HNRNPR: variants seen among roughly 807,000 people sequenced by gnomAD.
The protein encoded by HNRNPR is heterogeneous nuclear ribonucleoprotein R.
Under a neutral mutation model 70.3 loss-of-function variants are expected in HNRNPR, and 4 were observed. The ratio of observed to expected loss-of-function variants is 0.06; its 90% confidence interval spans 0.03 to 0.13. HNRNPR has a LOEUF of 0.13. Among genes scored for constraint, HNRNPR ranks in the 10% least tolerant of loss-of-function variants. The pLI, the probability that HNRNPR is intolerant of heterozygous loss-of-function variation, is 1.00. For missense variants in HNRNPR, 423 were observed against 788.5 expected (o/e 0.54, Z 5.55); for synonymous variants, 241 against 267.6 (o/e 0.90, Z 0.97).
At chr1:23,313,429 TA>T (rs1221372627) in intron 9 of HNRNPR, 123 bp downstream of exon 9, 2 of 673,888 alleles carry the variant, frequency 3.0e-6, no homozygotes, top group East Asian at 2.7e-5. Flanking sequence ...TTACAGAGAT[TA>T]AATAGAAAGA....
At position 23,306,051 on chromosome 1, in the gene HNRNPR, A is replaced by G. The variant is rs1645198048; in HGVS notation, c.*4403T>C. The G allele has an allele frequency of 7.2e-5, 11 of 152,298 alleles. No homozygotes were observed. The highest frequency in any genetic ancestry group is 7.2e-4 in the Admixed American group (11 of 15,296). 9.4% of individuals were successfully genotyped at this position (152,298 alleles called of 1,614,324 possible). A position where few individuals can be genotyped will look rare whatever the true frequency, so the allele number is the denominator to read the frequency against. ...AATAAATATCTCTTTAAGATGCATT[A>G]TATGTTAATCTATCCAACAAAATAT... On this transcript the variant is annotated 3_prime_UTR_variant, in exon 11 of 11. Coordinates refer to ENST00000302271, the MANE Select transcript of HNRNPR (RefSeq NM_005826.5).
chr1:23,326,325 T>C (rs1645973889), intron 5 of HNRNPR, among the ~76,000 whole-genome samples: 1 of 152,124 alleles, frequency 6.6e-6, no homozygotes, highest in Non-Finnish European at 1.5e-5. Context: ...AAGATACTGT[T>C]ATATGTGATT....
At chr1:23,328,296 G>A (rs191091576) in intron 5 of HNRNPR, among the ~76,000 whole-genome samples, 161 of 152,302 alleles carry the variant, frequency 1.1e-3, no homozygotes, top group African/African-American at 3.7e-3. Flanking sequence ...ACATTTCAGC[G>A]ATTGGGTAGA....
At chr1:23,329,229 G>A (rs561195117) in intron 5 of HNRNPR, among the ~76,000 whole-genome samples, 2 of 152,230 alleles carry the variant, frequency 1.3e-5, no homozygotes, top group African/African-American at 4.8e-5. Flanking sequence ...GAAAACACTG[G>A]TTTATCTAAG....
chr1:23,322,358 C>T (rs761806988), intron 6 of HNRNPR, among the ~76,000 whole-genome samples: 2 of 152,042 alleles, frequency 1.3e-5, no homozygotes, highest in Non-Finnish European at 2.9e-5. Context: ...GCCTCAGCCT[C>T]CCAAGTAGCT....
chr1:23,320,814 A>G (rs990462159), intron 7 of HNRNPR, among the ~76,000 whole-genome samples: 1 of 152,188 alleles, frequency 6.6e-6, no homozygotes, highest in Non-Finnish European at 1.5e-5. Flanking sequence ...ATGTGTATAG[A>G]ACTGTGATAT....
Position 23,308,450 on chromosome 1 carries a change from T to C in HNRNPR, c.*2004A>G, listed in dbSNP as rs898882950. ...AAATCAGGGTTTTACTTAAGTCTAA[T>C]TAGATGTATAGTTACAACTTCAAAT... is the stretch of plus-strand genomic sequence containing the variant. On this transcript the variant is annotated 3_prime_UTR_variant, in exon 11 of 11. Transcript: ENST00000302271. The C allele has an allele frequency of 2.0e-5, 3 of 152,054 alleles. No homozygotes were observed. The highest frequency in any genetic ancestry group is 7.2e-5 in the African/African-American group (3 of 41,404). 9.4% of individuals were successfully genotyped at this position (152,054 alleles called of 1,614,324 possible). A position where few individuals can be genotyped will look rare whatever the true frequency, so the allele number is the denominator to read the frequency against.
chr1:23,334,085 T>G (rs1340935474), intron 4 of HNRNPR, among the ~76,000 whole-genome samples: 1 of 151,910 alleles, frequency 6.6e-6, no homozygotes, highest in Non-Finnish European at 1.5e-5. Context: ...AGCTAATTTT[T>G]GTATTTTTAG....
At chr1:23,314,899 T>C (rs1242304522) in intron 8 of HNRNPR, among the ~76,000 whole-genome samples, 2 of 152,156 alleles carry the variant, frequency 1.3e-5, no homozygotes, top group Non-Finnish European at 2.9e-5. Flanking sequence ...CTTCCAGCAC[T>C]GTAAGAGCAA....
intron 1 of HNRNPR, among the ~76,000 whole-genome samples, chr1:23,341,281 G>A (rs1377830438): frequency 6.6e-6 from 1 of 152,148 alleles, no homozygotes; most frequent in Admixed American, 6.6e-5. Flanking sequence ...ACTGAAGGTA[G>A]AATTGCTGAT....
At chr1:23,332,419 T>C (rs371968579) in intron 5 of HNRNPR, among the ~76,000 whole-genome samples, 1 of 137,384 alleles carries the variant, frequency 7.3e-6, no homozygotes, top group African/African-American at 2.7e-5. Context: ...AAAAAAAAAC[T>C]TGGCCAGGCG....
intron 5 of HNRNPR, among the ~76,000 whole-genome samples, chr1:23,325,571 T>A (rs913765932): frequency 1.3e-5 from 2 of 152,168 alleles, no homozygotes; most frequent in Non-Finnish European, 2.9e-5. Context: ...GTCATTGGTT[T>A]CTTCATATTC....
rs1333998756 is a variant in HNRNPR, at chr1:23,305,694, A to G, written c.*4760T>C. 2 of 151,430 alleles carry G rather than the reference A, an allele frequency of 1.3e-5. No homozygotes were observed. The highest frequency in any genetic ancestry group is 2.9e-5 in the Non-Finnish European group (2 of 67,906). The allele number at this position is 151,430 out of a possible 1,614,324, so 9.4% of individuals were successfully genotyped here. On this transcript the variant is annotated 3_prime_UTR_variant, in exon 11 of 11. Coordinates refer to ENST00000302271, the MANE Select transcript of HNRNPR (RefSeq NM_005826.5). ...TATAAGATGAGGGATTTTAATCTTTAGCAATAATTTAAATATTGACTCTTA... is the reference window on the plus strand; with the variant it reads ...TATAAGATGAGGGATTTTAATCTTTGGCAATAATTTAAATATTGACTCTTA...
At chr1:23,315,302 A>AAAAAAAAAAAAC (rs1557835030) in intron 8 of HNRNPR, among the ~76,000 whole-genome samples, 3 of 127,152 alleles carry the variant, frequency 2.4e-5, no homozygotes, top group African/African-American at 3.4e-5. Context: ...AAAAAAAAAA[A>AAAAAAAAAAAAC]AAACAAAAAC....
At chr1:23,313,758 G>C (rs913556051) in intron 8 of HNRNPR, 56 bp from the exon 9 acceptor site, 3 of 1,562,280 alleles carry the variant, frequency 1.9e-6, no homozygotes, top group Admixed American at 2.1e-5. Flanking sequence ...TACCTGAAAA[G>C]TGTTTCTTCC....
intron 8 of HNRNPR, among the ~76,000 whole-genome samples, chr1:23,314,359 G>A (rs1645451446): frequency 6.6e-6 from 1 of 152,078 alleles, no homozygotes; most frequent in Non-Finnish European, 1.5e-5. Flanking sequence ...CCATAAGAAT[G>A]TTATACTCAA....
intron 8 of HNRNPR, among the ~76,000 whole-genome samples, chr1:23,314,805 T>G (rs891342864): frequency 6.6e-6 from 1 of 152,186 alleles, no homozygotes; most frequent in African/African-American, 2.4e-5. Flanking sequence ...TACAGATATA[T>G]CTACCCTTTG....
intron 3 of HNRNPR, 138 bp from the exon 4 acceptor site, chr1:23,337,999 G>A (rs1646565851): frequency 7.9e-6 from 5 of 636,188 alleles, no homozygotes; most frequent in African/African-American, 1.8e-5. Context: ...TTTGCCGAGT[G>A]GTTACTATGT....
chr1:23,339,887 G>A (rs924784416), intron 2 of HNRNPR, among the ~76,000 whole-genome samples: 1 of 152,126 alleles, frequency 6.6e-6, no homozygotes, highest in Non-Finnish European at 1.5e-5. Flanking sequence ...TCTCTAAGCA[G>A]ATCACTGCCA....
Sources: gnomAD v4.1 joint callset for allele counts (sites outside exome capture counted in the v4.1 genomes callset) on GRCh38, gnomAD v4.1.1 for gene constraint, MANE v1.5 for transcripts, NCBI Gene and HGNC (gene_info 2026-07-23, HGNC 2026-07-21) for gene names.